The following CCDC181 variants were observed in gnomAD, a reference collection of about 807,000 sequenced individuals.
CCDC181 encodes coiled-coil domain containing 181.
CCDC181 carries 35 observed loss-of-function variants against 58.7 expected under a neutral mutation model. The ratio of observed to expected loss-of-function variants is 0.60; its 90% CI spans 0.46 to 0.79. CCDC181 has a LOEUF of 0.79. Among genes scored for constraint, CCDC181 ranks in the 30% least tolerant of loss-of-function variants. CCDC181 has a pLI of 0.00. For synonymous variants in CCDC181, 183 were observed against 197.5 expected (o/e 0.93, Z 0.62); for missense variants, 517 against 583.9 (o/e 0.89, Z 1.18).
intron 4 of CCDC181, among the ~76,000 whole-genome samples, chr1:169,416,350 G>T (rs1007892796): frequency 1.3e-5 from 2 of 152,126 alleles, no homozygotes; most frequent in Non-Finnish European, 2.9e-5. Context: ...TACCTTGGTT[G>T]CCAGTGAAGG....
chr1:169,450,516 C>A (rs1037522577), intron 2 of CCDC181, among the ~76,000 whole-genome samples: 2 of 152,152 alleles, frequency 1.3e-5, no homozygotes, highest in African/African-American at 4.8e-5. Flanking sequence ...GAATAGAATT[C>A]ATTGTATGAA....
chr1:169,446,456 TAAGTA>T (rs1295970510), intron 2 of CCDC181, among the ~76,000 whole-genome samples: 2 of 152,028 alleles, frequency 1.3e-5, no homozygotes, highest in East Asian at 3.9e-4. Context: ...AAAAAATTAA[TAAGTA>T]AATAAATTGC....
intron 4 of CCDC181, among the ~76,000 whole-genome samples, chr1:169,401,519 G>C (rs762028186): frequency 3.3e-4 from 50 of 152,162 alleles, no homozygotes; most frequent in Non-Finnish European, 6.3e-4. Context: ...GCCTCTGCTG[G>C]TGAGACCCAA....
At chr1:169,405,573 A>G (rs1209399658) in intron 4 of CCDC181, among the ~76,000 whole-genome samples, 1 of 152,240 alleles carries the variant, frequency 6.6e-6, no homozygotes, top group African/African-American at 2.4e-5. Flanking sequence ...TCCCTATTTA[A>G]TAAATGGTGC....
In CCDC181 at chr1:169,421,360, C is replaced by T. The variant is rs1656443617; in HGVS notation, c.1068+3G>A. On this transcript the variant is annotated splice_donor_region_variant and intron_variant, in intron 3 of 5. Coordinates refer to ENST00000367806, the MANE Select transcript of CCDC181 (RefSeq NM_001300969.2). ...TTAATATAATGCCCACTTAGGTTCT[C>T]ACCTCTCTTTTCAGTTTTTCTCTCT... 6.3e-7 allele frequency: 1 copy of T among 1,594,188 alleles called. No individual in the cohort carries two copies.
At position 169,422,298 on chromosome 1, in the gene CCDC181, C is replaced by T. The variant is rs1415376377; in HGVS notation, c.133G>A (p.Glu45Lys). ...ASIIEMACEKEENINQDLKEN... is the reference protein window; with the variant it reads ...ASIIEMACEKKENINQDLKEN... ...TTTAAGTCTTGGTTAATATTCTCTTCCTTCTCACAAGCCATCTAAAAACAA... is the reference window on the plus strand; with the variant it reads ...TTTAAGTCTTGGTTAATATTCTCTTTCTTCTCACAAGCCATCTAAAAACAA... The change falls in exon 3 of 6, where the codon GAA becomes AAA. Residue 45 changes from glutamate to lysine, a missense_variant. Transcript: ENST00000367806. 5 of 1,555,290 alleles carry T rather than the reference C, an allele frequency of 3.2e-6. No individual in the cohort carries two copies. The South Asian group carries it at 6.1e-5, about 19-fold the overall frequency.
chr1:169,402,199 CGGG>C (rs1365034833), intron 4 of CCDC181, among the ~76,000 whole-genome samples: 1 of 152,064 alleles, frequency 6.6e-6, no homozygotes, highest in African/African-American at 2.4e-5. Context: ...CTGAAAGTGA[CGGG>C]GAGAACGGAA....
At chr1:169,406,256 A>G (rs968527265) in intron 4 of CCDC181, among the ~76,000 whole-genome samples, 3 of 152,236 alleles carry the variant, frequency 2.0e-5, no homozygotes, top group Non-Finnish European at 4.4e-5. Context: ...TCAAGTATCT[A>G]GAACTAGAAA....
rs374590445 is a variant in CCDC181, at chr1:169,419,037, C to T, written c.1191G>A (p.Lys397=). The T allele has an allele frequency of 4.3e-6, 7 of 1,613,390 alleles. No homozygotes were observed. The Admixed American group carries it at 6.7e-5, about 15-fold the overall frequency. ...CTCTACTGTTCATGTCTTCAATTTC[C>T]TTTGCTCGCTGAATTCTCCTCATTT... ...VLEMRRIQRA[K]EIEDMNSRQE... Residue 397 remains lysine, a synonymous_variant, in exon 4 of 6, where the codon AAG becomes AAA. Transcript: ENST00000367806.
At chr1:169,452,173 G>A (rs960237578) in intron 2 of CCDC181, among the ~76,000 whole-genome samples, 1 of 151,970 alleles carries the variant, frequency 6.6e-6, no homozygotes, top group African/African-American at 2.4e-5. Flanking sequence ...AAGTTTAGCT[G>A]TCAGGAAGAA....
upstream of CCDC181, among the ~76,000 whole-genome samples, chr1:169,429,411 TC>T (rs2102111291): frequency 6.6e-6 from 1 of 152,326 alleles, no homozygotes; most frequent in Non-Finnish European, 1.5e-5. Flanking sequence ...TAGTTTACAT[TC>T]CCATCACCAG....
intron 4 of CCDC181, among the ~76,000 whole-genome samples, chr1:169,402,182 G>A (rs979482618): frequency 1.2e-4 from 19 of 152,184 alleles, no homozygotes; most frequent in African/African-American, 3.9e-4. Flanking sequence ...ACGTCTGATT[G>A]GTGTACCTGA....
At chr1:169,408,558 C>T (rs1655797617) in intron 4 of CCDC181, among the ~76,000 whole-genome samples, 1 of 152,236 alleles carries the variant, frequency 6.6e-6, no homozygotes, top group Admixed American at 6.5e-5. Context: ...AAGGGACAGA[C>T]TGCCTCCTCC....
At chr1:169,412,259 T>C (rs1656005337) in intron 4 of CCDC181, among the ~76,000 whole-genome samples, 1 of 152,098 alleles carries the variant, frequency 6.6e-6, no homozygotes, top group Admixed American at 6.5e-5. Flanking sequence ...AAATCATGAG[T>C]GAATTCCCAT....
chr1:169,418,018 C>G (rs1267157790), intron 4 of CCDC181, among the ~76,000 whole-genome samples: 1 of 152,094 alleles, frequency 6.6e-6, no homozygotes, highest in Admixed American at 6.5e-5. Flanking sequence ...TCTCACACAC[C>G]GTTGGAGGAA....
At chr1:169,455,703 A>C in intron 2 of CCDC181, among the ~76,000 whole-genome samples, 1 of 152,164 alleles carries the variant, frequency 6.6e-6, no homozygotes, top group Non-Finnish European at 1.5e-5. Context: ...CAATACAGTT[A>C]ACACCCAAGA....
intron 2 of CCDC181, among the ~76,000 whole-genome samples, chr1:169,448,841 T>C (rs1657453696): frequency 6.6e-6 from 1 of 152,222 alleles, no homozygotes; most frequent in South Asian, 2.1e-4. Context: ...TTGGGTGTTC[T>C]GTTCCTTTTT....
At chr1:169,430,556 A>AATGGGGTTGAG (rs2101737670), upstream of CCDC181, among the ~76,000 whole-genome samples, 1 of 152,092 alleles carries the variant, frequency 6.6e-6, no homozygotes, top group South Asian at 2.1e-4. Flanking sequence ...CAGCTATTGT[A>AATGGGGTTGAG]ATGGGGTTGA....
intron 2 of CCDC181, among the ~76,000 whole-genome samples, chr1:169,456,487 A>G (rs891725680): frequency 5.1e-4 from 78 of 152,162 alleles, no homozygotes; most frequent in African/African-American, 1.6e-3. Context: ...TCCAAAACCC[A>G]TATTGAAACT....
Sources: allele counts gnomAD v4.1 joint callset (sites outside exome capture counted in the v4.1 genomes callset), GRCh38; gene constraint gnomAD v4.1.1; transcripts MANE v1.5; gene names NCBI Gene and HGNC (gene_info 2026-07-23, HGNC 2026-07-21).